CYSLTR2: variants seen among roughly 807,000 people sequenced by gnomAD.
CYSLTR2 encodes the protein cysteinyl leukotriene receptor 2, also known as G-protein coupled receptor GPCR21.
For synonymous variants in CYSLTR2, 179 were observed against 160.8 expected (o/e 1.11, Z -0.86); for missense variants, 398 against 411.9 (o/e 0.97, Z 0.29).
At chr13:48,654,243 T>C (rs1049041376) in intron 1 of CYSLTR2, among the ~76,000 whole-genome samples, 7 of 148,684 alleles carry the variant, frequency 4.7e-5, no homozygotes, top group African/African-American at 1.7e-4. Context: ...ATTTTGGGGA[T>C]CGTCCCTTTG....
chr13:48,662,219 T>A (rs180787954), intron 1 of CYSLTR2, among the ~76,000 whole-genome samples: 2 of 152,338 alleles, frequency 1.3e-5, no homozygotes, highest in East Asian at 3.9e-4. Context: ...AGTATTCCAT[T>A]ATGTATATAT....
intron 4 of CYSLTR2, chr13:48,706,432 G>T: frequency 5.8e-6 from 1 of 173,244 alleles, no homozygotes; most frequent in Non-Finnish European, 1.2e-5. Context: ...TTTTCTTTCA[G>T]CATTTGAGAA....
rs1206863574 is a variant in CYSLTR2, at chr13:48,710,480, TA to T, written c.*2623del. On this transcript the variant is annotated 3_prime_UTR_variant, in exon 5 of 5. Transcript: ENST00000682523. Reference sequence around the variant, plus strand: ...TACTAATGTCCCCAAAGCATAAGAGTAGTGATGCTGGCAAATAAGATACACC... The same window carrying T: ...TACTAATGTCCCCAAAGCATAAGAGTGTGATGCTGGCAAATAAGATACACC... 3.0e-4 allele frequency: 45 copies of T among 152,040 alleles called. No homozygotes were observed. Among genetic ancestry groups the T allele is most frequent in the African/African-American group, 9.4e-4 (39 of 41,380 alleles). 9.4% of individuals were successfully genotyped at this position (152,040 alleles called of 1,614,324 possible). A position where few individuals can be genotyped will look rare whatever the true frequency, so the allele number is the denominator to read the frequency against.
chr13:48,694,264 C>G (rs1290077118), intron 3 of CYSLTR2, among the ~76,000 whole-genome samples: 1 of 152,190 alleles, frequency 6.6e-6, no homozygotes, highest in South Asian at 2.1e-4. Context: ...CAAAGTTTAT[C>G]CAAAGGCCAA....
chr13:48,709,959 T>A lies in CYSLTR2; in HGVS notation c.*2101T>A, dbSNP rs1156525583. 2 of 152,236 alleles carry A rather than the reference T, an allele frequency of 1.3e-5. No homozygotes were observed. Among genetic ancestry groups the A allele is most frequent in the East Asian group, 3.8e-4 (2 of 5,204 alleles). The allele number at this position is 152,236 out of a possible 1,614,324, so 9.4% of individuals were successfully genotyped here. On this transcript the variant is annotated 3_prime_UTR_variant, in exon 5 of 5. Coordinates refer to ENST00000682523, the MANE Select transcript of CYSLTR2 (RefSeq NM_001308476.3). ...CATACACATTGAGAGGGATTTAGAT[T>A]TCTCTTGCAGAGATTGAGATAAACT...
intron 4 of CYSLTR2, among the ~76,000 whole-genome samples, chr13:48,703,634 G>T (rs1394448182): frequency 6.6e-6 from 1 of 152,048 alleles, no homozygotes; most frequent in African/African-American, 2.4e-5. Context: ...ATGGTATTTT[G>T]CTAAGAGTAT....
At chr13:48,666,810 A>C (rs1426439798) in intron 1 of CYSLTR2, among the ~76,000 whole-genome samples, 1 of 151,906 alleles carries the variant, frequency 6.6e-6, no homozygotes, top group East Asian at 1.9e-4. Flanking sequence ...CATTTTCCTG[A>C]TTTCATTGAA....
At chr13:48,694,177 G>A (rs1421826252) in intron 3 of CYSLTR2, among the ~76,000 whole-genome samples, 4 of 151,812 alleles carry the variant, frequency 2.6e-5, no homozygotes, top group East Asian at 1.9e-4. Flanking sequence ...GCTGAGAAAC[G>A]AAAAAAACAG....
At chr13:48,686,256 C>T (rs896690107) in intron 1 of CYSLTR2, among the ~76,000 whole-genome samples, 1 of 152,166 alleles carries the variant, frequency 6.6e-6, no homozygotes, top group African/African-American at 2.4e-5. Flanking sequence ...TACCATACCT[C>T]TTTTATTCTT....
chr13:48,661,238 C>T (rs1165430454), intron 1 of CYSLTR2, among the ~76,000 whole-genome samples: 3 of 152,058 alleles, frequency 2.0e-5, no homozygotes, highest in Admixed American at 6.6e-5. Context: ...AGACATGAGC[C>T]ACTTTGCCTG....
chr13:48,666,674 CT>C (rs894060191), intron 1 of CYSLTR2, among the ~76,000 whole-genome samples: 18 of 151,996 alleles, frequency 1.2e-4, no homozygotes, highest in Non-Finnish European at 2.2e-4. Flanking sequence ...CTTGGCCAGT[CT>C]GTTGTTGAAG....
At chr13:48,704,534 G>C (rs1014692969) in intron 4 of CYSLTR2, among the ~76,000 whole-genome samples, 2 of 149,894 alleles carry the variant, frequency 1.3e-5, no homozygotes, top group African/African-American at 4.9e-5. Context: ...TTTTCTTGAG[G>C]ATGGAGCTTA....
chr13:48,668,006 A>G (rs565920209), intron 1 of CYSLTR2, among the ~76,000 whole-genome samples: 1 of 152,318 alleles, frequency 6.6e-6, no homozygotes, highest in South Asian at 2.1e-4. Context: ...GTGCTTTAAG[A>G]GCACATTGCA....
chr13:48,684,095 A>C (rs1368161548), intron 1 of CYSLTR2, among the ~76,000 whole-genome samples: 1 of 151,786 alleles, frequency 6.6e-6, no homozygotes, highest in Non-Finnish European at 1.5e-5. Context: ...ATTTTTTTAA[A>C]TTACTTTTTG....
intron 1 of CYSLTR2, among the ~76,000 whole-genome samples, chr13:48,681,529 G>T (rs1395996573): frequency 2.0e-5 from 3 of 152,156 alleles, no homozygotes; most frequent in Non-Finnish European, 4.4e-5. Context: ...TTCCTCCCCA[G>T]TTGCTTAAGA....
chr13:48,686,097 T>C (rs777873500), intron 1 of CYSLTR2, among the ~76,000 whole-genome samples: 1 of 152,212 alleles, frequency 6.6e-6, no homozygotes, highest in Non-Finnish European at 1.5e-5. Flanking sequence ...ATAACTCTTT[T>C]CTTTTTTTTG....
intron 1 of CYSLTR2, among the ~76,000 whole-genome samples, chr13:48,690,658 C>G (rs1044612565): frequency 6.6e-6 from 1 of 152,002 alleles, no homozygotes; most frequent in Admixed American, 6.6e-5. Context: ...CAGTTTGCCA[C>G]TATTTTATTG....
chr13:48,685,913 T>C (rs774584693), intron 1 of CYSLTR2, among the ~76,000 whole-genome samples: 2 of 152,158 alleles, frequency 1.3e-5, no homozygotes, highest in African/African-American at 2.4e-5. Context: ...TTTGTTTGTT[T>C]TCTGTAGGAC....
chr13:48,656,503 T>C (rs570761637), intron 1 of CYSLTR2, among the ~76,000 whole-genome samples: 2 of 152,064 alleles, frequency 1.3e-5, no homozygotes. Flanking sequence ...AAAGGCAGAG[T>C]TGAAACTTAA....
Sources: gnomAD v4.1 joint callset for allele counts (sites outside exome capture counted in the v4.1 genomes callset) on GRCh38, gnomAD v4.1.1 for gene constraint, MANE v1.5 for transcripts, NCBI Gene and HGNC (gene_info 2026-07-23, HGNC 2026-07-21) for gene names.